Variants in USP25 observed in about 807,000 individuals in gnomAD.
USP25 encodes ubiquitin specific peptidase 25.
Under a neutral mutation model 158.5 loss-of-function variants are expected in USP25, and 85 were observed. The ratio of observed to expected loss-of-function variants is 0.54; its 90% confidence interval spans 0.45 to 0.64. The LOEUF is 0.64. USP25 is among the 30% of genes least tolerant of loss of function. USP25 has a pLI of 0.00. For missense variants in USP25, 1,242 were observed against 1,327.3 expected (o/e 0.94, Z 1.00); for synonymous variants, 464 against 460.4 (o/e 1.01, Z -0.10).
chr21:15,845,343 A>T (rs189098003), intron 18 of USP25, among the ~76,000 whole-genome samples: 1 of 152,148 alleles, frequency 6.6e-6, no homozygotes, highest in Non-Finnish European at 1.5e-5. Context: ...ATGTATTCAT[A>T]TAAGACCTGA....
Position 15,797,482 on chromosome 21 carries a change from G to C in USP25, c.556-2275G>C, listed in dbSNP as rs12482445. On this transcript the variant is annotated intron_variant, in intron 5 of 25. Transcript: ENST00000400183. ...TAAGCAGAAATAATGTCTTTAAAGTGCTAGAAATAAATAACTGGCCATCTT... is the reference window on the plus strand; with the variant it reads ...TAAGCAGAAATAATGTCTTTAAAGTCCTAGAAATAAATAACTGGCCATCTT... Among the ~76,000 whole-genome samples, 508 of 151,332 alleles carry C rather than the reference G, an allele frequency of 3.4e-3. 17 individuals carry two copies. The highest frequency in any genetic ancestry group is 0.031 in the Admixed American group (474 of 15,142).
At chr21:15,867,383 T>C (rs761590850) in intron 22 of USP25, among the ~76,000 whole-genome samples, 7 of 152,074 alleles carry the variant, frequency 4.6e-5, no homozygotes, top group Non-Finnish European at 4.4e-5. Context: ...AAAACACTCA[T>C]TATTGATGAA....
chr21:15,754,745 A>T (rs934750049), intron 1 of USP25, among the ~76,000 whole-genome samples: 2 of 152,178 alleles, frequency 1.3e-5, no homozygotes, highest in Non-Finnish European at 2.9e-5. Context: ...ACTATAGGAA[A>T]ATTCCTCAGA....
At chr21:15,837,361 AC>A (rs2038104578) in intron 17 of USP25, among the ~76,000 whole-genome samples, 1 of 142,938 alleles carries the variant, frequency 7.0e-6, no homozygotes, top group African/African-American at 2.6e-5. Context: ...GAGCAAACTT[AC>A]CTGAATACTG....
intron 1 of USP25, among the ~76,000 whole-genome samples, chr21:15,741,511 A>G (rs900461979): frequency 6.6e-6 from 1 of 152,072 alleles, no homozygotes; most frequent in Non-Finnish European, 1.5e-5. Context: ...GGCATTTTTA[A>G]TCTTTTATGT....
intron 4 of USP25, among the ~76,000 whole-genome samples, chr21:15,778,674 G>T (rs1480862578): frequency 6.6e-6 from 1 of 152,046 alleles, no homozygotes; most frequent in South Asian, 2.1e-4. Flanking sequence ...GTTTGAAACA[G>T]TTTGATTCAT....
In USP25 at chr21:15,770,751, G is replaced by A. The variant is rs115760341; in HGVS notation, c.268+4610G>A. ...TTTAATTCTGGTGGCTACCAGATCA[G>A]TGCACATAATGCTACATTTCCATTA... On this transcript the variant is annotated intron_variant, in intron 3 of 25. Transcript: ENST00000400183. Among the ~76,000 whole-genome samples, 1,177 of 152,224 alleles carry A rather than the reference G, an allele frequency of 7.7e-3. 10 individuals are homozygous for A. The highest frequency in any genetic ancestry group is 0.024 in the African/African-American group (1,004 of 41,546).
chr21:15,802,756 A>G (rs968310023), intron 6 of USP25, among the ~76,000 whole-genome samples: 1 of 151,652 alleles, frequency 6.6e-6, no homozygotes, highest in Non-Finnish European at 1.5e-5. Context: ...ACATTAGAGA[A>G]TAAAGGGCAC....
At chr21:15,863,782 A>G (rs1320165206) in intron 20 of USP25, among the ~76,000 whole-genome samples, 1 of 151,402 alleles carries the variant, frequency 6.6e-6, no homozygotes, top group Non-Finnish European at 1.5e-5. Context: ...CACGCCTGTA[A>G]TCCCAGCACT....
intron 1 of USP25, among the ~76,000 whole-genome samples, chr21:15,760,194 G>T (rs1211948614): frequency 6.6e-6 from 1 of 152,208 alleles, no homozygotes; most frequent in Non-Finnish European, 1.5e-5. Context: ...ATGCAACTGT[G>T]TTGTGCTTTG....
intron 17 of USP25, among the ~76,000 whole-genome samples, chr21:15,837,120 C>A (rs112237372): frequency 1.5e-4 from 5 of 33,820 alleles, no homozygotes; most frequent in Admixed American, 2.8e-4. Context: ...AACTTACCTG[C>A]ATACTGTTGT....
At chr21:15,874,790 T>G (rs1339071621) in intron 24 of USP25, among the ~76,000 whole-genome samples, 7 of 152,212 alleles carry the variant, frequency 4.6e-5, no homozygotes, top group African/African-American at 1.7e-4. Context: ...TATTTAGATT[T>G]CGTCATCACA....
chr21:15,846,190 T>A (rs2038608227), intron 18 of USP25, among the ~76,000 whole-genome samples: 1 of 118,312 alleles, frequency 8.5e-6, no homozygotes. Context: ...TGAGACAGAG[T>A]CTTACTCTGT....
chr21:15,808,475 C>T (rs915451410), intron 7 of USP25, among the ~76,000 whole-genome samples: 1 of 151,934 alleles, frequency 6.6e-6, no homozygotes, highest in African/African-American at 2.4e-5. Flanking sequence ...TATAAAGATT[C>T]ATTACAGAGC....
intron 1 of USP25, among the ~76,000 whole-genome samples, chr21:15,747,075 C>G: frequency 6.6e-6 from 1 of 152,104 alleles, no homozygotes; most frequent in East Asian, 1.9e-4. Context: ...TATTTATGGT[C>G]CACTGTGATT....
intron 19 of USP25, among the ~76,000 whole-genome samples, chr21:15,849,186 A>G (rs569550975): frequency 1.3e-5 from 2 of 152,290 alleles, no homozygotes; most frequent in Non-Finnish European, 2.9e-5. Context: ...GTGATTAATC[A>G]TTTAACACTA....
intron 11 of USP25, among the ~76,000 whole-genome samples, chr21:15,824,564 GTCTT>G (rs912346192): frequency 8.6e-5 from 13 of 151,508 alleles, no homozygotes; most frequent in African/African-American, 2.2e-4. Flanking sequence ...CTGTTTTCCT[GTCTT>G]TCTTTCTTTT....
chr21:15,782,491 A>G (rs1273255788), intron 4 of USP25, among the ~76,000 whole-genome samples: 1 of 152,174 alleles, frequency 6.6e-6, no homozygotes, highest in South Asian at 2.1e-4. Flanking sequence ...GCTGCCATTC[A>G]GGAGAGACAG....
intron 7 of USP25, among the ~76,000 whole-genome samples, chr21:15,806,691 A>G (rs1204337854): frequency 6.6e-6 from 1 of 152,212 alleles, no homozygotes; most frequent in Non-Finnish European, 1.5e-5. Flanking sequence ...ATGTGCATCA[A>G]TTAAGGTTGA....
Sources: gnomAD v4.1 joint callset for allele counts (sites outside exome capture counted in the v4.1 genomes callset) on GRCh38, gnomAD v4.1.1 for gene constraint, MANE v1.5 for transcripts, NCBI Gene and HGNC (gene_info 2026-07-23, HGNC 2026-07-21) for gene names.